The following ZBTB20 variants were observed in gnomAD, a reference collection of about 807,000 sequenced individuals.
ZBTB20 encodes zinc finger and BTB domain-containing protein 20.
Under a neutral mutation model 56.9 loss-of-function variants are expected in ZBTB20, and 9 were observed. That is an observed-to-expected ratio of 0.16 (90% CI 0.10 to 0.28). The LOEUF is 0.28. Ranked by LOEUF, ZBTB20 falls within the 10% of genes least tolerant of loss-of-function variation. The probability of loss-of-function intolerance (pLI) is 1.00; values close to 1 mark genes in which losing one functional copy is unlikely to be tolerated. For synonymous variants in ZBTB20, 417 were observed against 420.7 expected (o/e 0.99, Z 0.11); for missense variants, 655 against 1,003.0 (o/e 0.65, Z 4.69).
intron 1 of ZBTB20, among the ~76,000 whole-genome samples, chr3:115,078,254 A>G (rs534763420): frequency 9.8e-5 from 15 of 152,292 alleles, no homozygotes; most frequent in Admixed American, 3.9e-4. Flanking sequence ...TAGATATTCT[A>G]TGTTGTTTTT....
intron 1 of ZBTB20, among the ~76,000 whole-genome samples, chr3:115,078,613 G>GTGTGTATATA (rs769630983): frequency 2.7e-3 from 373 of 137,806 alleles, no homozygotes; most frequent in African/African-American, 5.0e-3. Context: ...GTGTGTGTGT[G>GTGTGTATATA]TATATATATA....
At chr3:114,376,471 A>G (rs1252274501) in intron 10 of ZBTB20, among the ~76,000 whole-genome samples, 1 of 152,234 alleles carries the variant, frequency 6.6e-6, no homozygotes, top group Non-Finnish European at 1.5e-5. Context: ...TCTCTAAAAA[A>G]TTGCTTAAAA....
At position 114,347,890 on chromosome 3, in the gene ZBTB20, C is replaced by T. The variant is rs111825313; in HGVS notation, c.1804+2384G>A. Among the ~76,000 whole-genome samples, 710 of 152,282 alleles carry T rather than the reference C, an allele frequency of 4.7e-3. 4 individuals are homozygous for T. The highest frequency in any genetic ancestry group is 0.016 in the African/African-American group (676 of 41,552). ...ATTTACTGAGGATGTTCATAATTTA[C>T]TAGAAAACTGAAGTCCACATTTTAA... is the stretch of plus-strand genomic sequence containing the variant. On this transcript the variant is annotated intron_variant, in intron 11 of 11. Coordinates refer to ENST00000675478, the MANE Select transcript of ZBTB20 (RefSeq NM_001348800.3).
intron 10 of ZBTB20, among the ~76,000 whole-genome samples, chr3:114,355,201 CTGTT>C (rs2081116085): frequency 6.6e-6 from 1 of 152,026 alleles, no homozygotes; most frequent in East Asian, 1.9e-4. Context: ...AAAATCCAAA[CTGTT>C]TGACCAGATT....
At chr3:114,571,079 T>C (rs543316382) in intron 6 of ZBTB20, among the ~76,000 whole-genome samples, 2 of 152,134 alleles carry the variant, frequency 1.3e-5, no homozygotes, top group African/African-American at 2.4e-5. Flanking sequence ...ACTAAGGAAA[T>C]TAAAAAAAGA....
At chr3:114,458,523 T>A (rs755843488) in intron 7 of ZBTB20, among the ~76,000 whole-genome samples, 2 of 152,194 alleles carry the variant, frequency 1.3e-5, no homozygotes, top group South Asian at 4.1e-4. Context: ...TTTTTTCTCA[T>A]GGGCAGATAT....
Position 114,741,710 on chromosome 3 carries a change from T to C in ZBTB20, c.-342-48135A>G, listed in dbSNP as rs2066594612. On this transcript the variant is annotated intron_variant, in intron 5 of 11. Transcript: ENST00000675478. ...CAAGATGGGGAAACCCCGTCTCTAC[T>C]GAAAATACAAAAAAAAAAAAAATTA... Among the ~76,000 whole-genome samples the C allele has an allele frequency of 4.9e-5, 7 of 143,838 alleles. No individual in the cohort carries two copies. The South Asian group carries it at 1.6e-3, about 33-fold the overall frequency. The allele number at this position is 143,838 out of a possible 152,430, so 94.4% of individuals were successfully genotyped here.
chr3:115,064,282 C>G (rs552834043), intron 2 of ZBTB20, among the ~76,000 whole-genome samples: 2 of 152,164 alleles, frequency 1.3e-5, no homozygotes, highest in South Asian at 4.1e-4. Context: ...TTTTTCCTCA[C>G]TTGGACGTAG....
chr3:115,135,006 G>A (rs1003461540), intron 1 of ZBTB20, among the ~76,000 whole-genome samples: 5 of 152,160 alleles, frequency 3.3e-5, no homozygotes, highest in Admixed American at 2.6e-4. Flanking sequence ...AGCAGCTAGC[G>A]ACACTTCGGT....
intron 1 of ZBTB20, among the ~76,000 whole-genome samples, chr3:115,126,157 G>T (rs904342875): frequency 1.3e-5 from 2 of 152,080 alleles, no homozygotes; most frequent in African/African-American, 4.8e-5. Flanking sequence ...CTACTGTAAG[G>T]TATTTTTTAT....
At chr3:114,781,923 C>T (rs1179121415) in intron 5 of ZBTB20, among the ~76,000 whole-genome samples, 6 of 152,160 alleles carry the variant, frequency 3.9e-5, no homozygotes, top group African/African-American at 1.4e-4. Context: ...TACCCAGCCA[C>T]GTGAAACTGT....
chr3:115,026,332 A>C (rs1459133039), intron 2 of ZBTB20, among the ~76,000 whole-genome samples: 3 of 151,082 alleles, frequency 2.0e-5, no homozygotes. Context: ...CATTTCATCT[A>C]TAACATATAA....
At chr3:114,631,422 T>G (rs2058942205) in intron 6 of ZBTB20, among the ~76,000 whole-genome samples, 1 of 115,908 alleles carries the variant, frequency 8.6e-6, no homozygotes, top group African/African-American at 3.1e-5. Flanking sequence ...AGATGGCGTC[T>G]TGCTCTGTTG....
At chr3:114,561,686 G>C (rs931188632) in intron 6 of ZBTB20, among the ~76,000 whole-genome samples, 2 of 151,892 alleles carry the variant, frequency 1.3e-5, no homozygotes, top group Non-Finnish European at 2.9e-5. Context: ...TCCATTTATA[G>C]AGCTCAGGCA....
intron 1 of ZBTB20, among the ~76,000 whole-genome samples, chr3:115,128,989 T>G (rs1033990118): frequency 6.6e-6 from 1 of 151,598 alleles, no homozygotes; most frequent in Non-Finnish European, 1.5e-5. Flanking sequence ...GTCCCAGCTA[T>G]TTGGGAGGCT....
At chr3:114,988,708 G>C (rs1443336636) in intron 2 of ZBTB20, among the ~76,000 whole-genome samples, 2 of 152,228 alleles carry the variant, frequency 1.3e-5, no homozygotes, top group Non-Finnish European at 2.9e-5. Context: ...CTAGTTTACA[G>C]TCCCACCAAC....
chr3:115,029,698 A>C (rs2080584511), intron 2 of ZBTB20, among the ~76,000 whole-genome samples: 1 of 150,862 alleles, frequency 6.6e-6, no homozygotes, highest in South Asian at 2.1e-4. Flanking sequence ...TTTAGAACAG[A>C]GTAAATTTAG....
chr3:114,385,304 C>T (rs1294919690), intron 8 of ZBTB20, among the ~76,000 whole-genome samples: 1 of 152,124 alleles, frequency 6.6e-6, no homozygotes, highest in Non-Finnish European at 1.5e-5. Flanking sequence ...TAGGTGGTAA[C>T]AAACCACCCC....
chr3:115,057,765 C>T (rs927050605), intron 2 of ZBTB20, among the ~76,000 whole-genome samples: 4 of 152,042 alleles, frequency 2.6e-5, no homozygotes, highest in Non-Finnish European at 5.9e-5. Flanking sequence ...GCTTTTATGT[C>T]CCCAAAAGTC....
Sources: gnomAD v4.1 joint callset for allele counts (sites outside exome capture counted in the v4.1 genomes callset) on GRCh38, gnomAD v4.1.1 for gene constraint, MANE v1.5 for transcripts, NCBI Gene and HGNC (gene_info 2026-07-23, HGNC 2026-07-21) for gene names.